The following PTPRD variants were observed in gnomAD, a reference collection of about 807,000 sequenced individuals.
PTPRD encodes the protein receptor-type tyrosine-protein phosphatase delta.
In PTPRD, 34 loss-of-function variants were observed where a neutral mutation model predicts 214.5. The observed-to-expected ratio is 0.16, with a 90% confidence interval of 0.12 to 0.21. The LOEUF (loss-of-function observed/expected upper bound fraction) is 0.21. PTPRD is among the 10% of genes least tolerant of loss of function. The probability of loss-of-function intolerance (pLI) is 1.00; values close to 1 mark genes in which losing one functional copy is unlikely to be tolerated. For synonymous variants in PTPRD, 1,128 were observed against 845.7 expected (o/e 1.33, Z -5.79); for missense variants, 2,545 against 2,398.7 (o/e 1.06, Z -1.27).
At chr9:9,828,847 C>T (rs2053878829) in intron 5 of PTPRD, among the ~76,000 whole-genome samples, 2 of 151,654 alleles carry the variant, frequency 1.3e-5, no homozygotes, top group African/African-American at 4.8e-5. Context: ...AAGAAGATAA[C>T]CACAAAATGT....
rs183503366 is a variant in PTPRD at position 10,478,932 on chromosome 9, G to T, written c.-600+133466C>A. Among the ~76,000 whole-genome samples the T allele has an allele frequency of 5.9e-5, 9 of 151,958 alleles. No individual in the cohort carries two copies. The East Asian group carries it at 1.4e-3, about 23-fold the overall frequency. On this transcript the variant is annotated intron_variant, in intron 2 of 45. Coordinates refer to ENST00000381196, the MANE Select transcript of PTPRD (RefSeq NM_002839.4). ...AAACCTAAAATATAAATCTATTTAT[G>T]TCTCTCCATACATAAATCTATTTTT... is the stretch of plus-strand genomic sequence containing the variant.
chr9:8,447,656 G>A lies in PTPRD; in HGVS notation c.3988+2069C>T, dbSNP rs118081659. ...CCATTCTTGCTTTGTGTTTATTCCC[G>A]GAAACATTTTCTGTTGGTGCGAGAG... is the stretch of plus-strand genomic sequence containing the variant. On this transcript the variant is annotated intron_variant, in intron 34 of 45. Coordinates refer to ENST00000381196, the MANE Select transcript of PTPRD (RefSeq NM_002839.4). 5.3e-3 allele frequency among the ~76,000 whole-genome samples: 808 copies of A among 152,156 alleles called. 1 individual carries two copies. The highest frequency in any genetic ancestry group is 8.3e-3 in the Non-Finnish European group (565 of 67,996).
intron 21 of PTPRD, among the ~76,000 whole-genome samples, chr9:8,513,123 G>T (rs1323578): frequency 0.11 from 16,883 of 151,940 alleles, 977 homozygotes; most frequent in African/African-American, 0.14. Context: ...AATGCCAGAA[G>T]TTAGAGCTAT....
chr9:8,376,844 T>G, intron 37 of PTPRD, 118 bp from the exon 38 acceptor site: 1 of 1,364,294 alleles, frequency 7.3e-7, no homozygotes, highest in East Asian at 2.3e-5. Flanking sequence ...GTTGATCTTT[T>G]TCTGGCATGC....
Position 8,341,594 on chromosome 9 carries a change from T to C in PTPRD, c.4947+99A>G, listed in dbSNP as rs1564099205. 5.9e-6 allele frequency: 8 copies of C among 1,357,044 alleles called. No homozygotes were observed. The East Asian group carries it at 1.2e-4, about 20-fold the overall frequency. The allele number at this position is 1,357,044 out of a possible 1,614,324, so 84.1% of individuals were successfully genotyped here. The stretch of plus-strand genomic sequence containing the variant: ...CCTGAGGGAAAGGTCAAATGAATCT[T>C]GTACTTCACAAATTTGAAAGGTTAA... On this transcript the variant is annotated intron_variant, in intron 40 of 45. Coordinates refer to ENST00000381196, the MANE Select transcript of PTPRD (RefSeq NM_002839.4).
chr9:10,355,607 T>C (rs540357346), intron 2 of PTPRD, among the ~76,000 whole-genome samples: 124 of 151,508 alleles, frequency 8.2e-4, no homozygotes, highest in African/African-American at 3.0e-3. Context: ...GCCTCCAGAG[T>C]AGCTGGGATT....
intron 9 of PTPRD, among the ~76,000 whole-genome samples, chr9:9,327,939 T>G (rs2040675867): frequency 6.6e-6 from 1 of 151,270 alleles, no homozygotes; most frequent in Admixed American, 6.6e-5. Flanking sequence ...AAATTCATAA[T>G]ATTTTAAGAA....
At chr9:10,096,488 A>G (rs2098485962) in intron 3 of PTPRD, among the ~76,000 whole-genome samples, 1 of 151,944 alleles carries the variant, frequency 6.6e-6, no homozygotes, top group Non-Finnish European at 1.5e-5. Flanking sequence ...TCTGATGGCC[A>G]GTGATGATGA....
chr9:8,377,339 C>A (rs532055095), intron 37 of PTPRD, among the ~76,000 whole-genome samples: 1 of 151,970 alleles, frequency 6.6e-6, no homozygotes, highest in Non-Finnish European at 1.5e-5. Context: ...GGGTCACACA[C>A]TAACAGTGCA....
intron 3 of PTPRD, among the ~76,000 whole-genome samples, chr9:10,306,600 C>A (rs368690093): frequency 3.3e-5 from 5 of 152,036 alleles, no homozygotes; most frequent in African/African-American, 9.7e-5. Flanking sequence ...GTTCCCCAAG[C>A]AGTTTCTCAA....
intron 8 of PTPRD, among the ~76,000 whole-genome samples, chr9:9,572,876 T>A (rs1235355127): frequency 5.3e-5 from 8 of 151,386 alleles, no homozygotes; most frequent in Admixed American, 4.0e-4. Context: ...ACTGCTGAAG[T>A]TAGGATGAAA....
intron 3 of PTPRD, among the ~76,000 whole-genome samples, chr9:10,225,861 A>G (rs1419296513): frequency 1.3e-5 from 2 of 152,092 alleles, no homozygotes; most frequent in Non-Finnish European, 2.9e-5. Flanking sequence ...CCATCAACAT[A>G]GATCAATCTA....
intron 11 of PTPRD, among the ~76,000 whole-genome samples, chr9:8,822,954 G>C (rs182572341): frequency 1.3e-5 from 2 of 152,038 alleles, no homozygotes; most frequent in Admixed American, 6.6e-5. Context: ...GGAATCTTTC[G>C]AAAATAACAT....
chr9:9,677,106 T>G (rs1485475761), intron 7 of PTPRD, among the ~76,000 whole-genome samples: 2 of 152,136 alleles, frequency 1.3e-5, no homozygotes, highest in Non-Finnish European at 2.9e-5. Flanking sequence ...TAGTTTCTTT[T>G]GATGTGCAGA....
intron 6 of PTPRD, among the ~76,000 whole-genome samples, chr9:9,762,022 G>C (rs1044471758): frequency 6.6e-6 from 1 of 152,276 alleles, no homozygotes; most frequent in Non-Finnish European, 1.5e-5. Context: ...GAAAGTCCAA[G>C]ATCAAGTGTG....
At chr9:10,430,006 C>A (rs747495226) in intron 2 of PTPRD, among the ~76,000 whole-genome samples, 1 of 151,902 alleles carries the variant, frequency 6.6e-6, no homozygotes, top group East Asian at 1.9e-4. Flanking sequence ...TGTGTTACCA[C>A]TAATTCCTAT....
chr9:9,760,930 G>C (rs542964660), intron 6 of PTPRD, among the ~76,000 whole-genome samples: 3 of 152,274 alleles, frequency 2.0e-5, no homozygotes, highest in Admixed American at 6.5e-5. Flanking sequence ...AGAGAAATGA[G>C]CTAACTCATA....
chr9:8,522,864 C>A (rs1321944886), intron 19 of PTPRD, among the ~76,000 whole-genome samples: 1 of 152,064 alleles, frequency 6.6e-6, no homozygotes, highest in Non-Finnish European at 1.5e-5. Flanking sequence ...TATAAATAAA[C>A]TGATAAGTAA....
intron 12 of PTPRD, among the ~76,000 whole-genome samples, chr9:8,722,352 T>C (rs2098509624): frequency 6.6e-6 from 1 of 152,160 alleles, no homozygotes; most frequent in Non-Finnish European, 1.5e-5. Flanking sequence ...GGAGCCATTA[T>C]TTAAGGCAAA....
Sources: allele counts gnomAD v4.1 joint callset (sites outside exome capture counted in the v4.1 genomes callset), GRCh38; gene constraint gnomAD v4.1.1; transcripts MANE v1.5; gene names NCBI Gene and HGNC (gene_info 2026-07-23, HGNC 2026-07-21).